Variants in TNFSF4 observed in about 807,000 individuals in gnomAD.
TNFSF4 encodes TNF superfamily member 4.
Under a neutral mutation model 7.3 loss-of-function variants are expected in TNFSF4, and 4 were observed. The ratio of observed to expected loss-of-function variants is 0.55; its 90% CI spans 0.27 to 1.25. TNFSF4 has a LOEUF of 1.25. TNFSF4 is among the 50% of genes most tolerant of loss of function. The pLI is 0.12. For missense variants in TNFSF4, 181 were observed against 208.8 expected (o/e 0.87, Z 0.82); for synonymous variants, 76 against 83.7 (o/e 0.91, Z 0.50).
chr1:173,361,071 T>C, the TNFSF4 span, among the ~76,000 whole-genome samples: 3 of 152,340 alleles, frequency 2.0e-5, no homozygotes, highest in South Asian at 6.2e-4. Context: ...GCTTACTGAA[T>C]GTGGTTACAA....
At chr1:173,316,630 C>A in the TNFSF4 span, among the ~76,000 whole-genome samples, 3 of 151,922 alleles carry the variant, frequency 2.0e-5, no homozygotes, top group Admixed American at 6.6e-5. Context: ...GGTGAAAGGC[C>A]ATTTTCCCCC....
chr1:173,176,415 G>A, the TNFSF4 span, among the ~76,000 whole-genome samples: 2 of 152,112 alleles, frequency 1.3e-5, no homozygotes, highest in South Asian at 4.1e-4. Flanking sequence ...CAAAACCGCA[G>A]TGAGAGATCA....
chr1:173,237,054 G>T, the TNFSF4 span, among the ~76,000 whole-genome samples: 1 of 152,166 alleles, frequency 6.6e-6, no homozygotes, highest in East Asian at 1.9e-4. Context: ...TAAGTCTCAT[G>T]AGAGTTGATG....
chr1:173,410,838 T>C, the TNFSF4 span, among the ~76,000 whole-genome samples: 1 of 152,196 alleles, frequency 6.6e-6, no homozygotes, highest in Admixed American at 6.5e-5. Flanking sequence ...AAGCTCTGTG[T>C]ACAGCTTTAA....
chr1:173,264,369 A>C, the TNFSF4 span, among the ~76,000 whole-genome samples: 1 of 132,358 alleles, frequency 7.6e-6, no homozygotes, highest in East Asian at 2.2e-4. Flanking sequence ...TATGTTGCTC[A>C]GGCTGGACTC....
chr1:173,180,670 G>A (rs562966177), downstream of TNFSF4, among the ~76,000 whole-genome samples: 203 of 152,266 alleles, frequency 1.3e-3, no homozygotes, highest in Non-Finnish European at 2.2e-3. Flanking sequence ...GTGTGTTTGC[G>A]TCAGTGTTCA....
chr1:173,351,102 A>C, the TNFSF4 span, among the ~76,000 whole-genome samples: 1 of 152,216 alleles, frequency 6.6e-6, no homozygotes, highest in African/African-American at 2.4e-5. Context: ...TGATCATCAA[A>C]GCCTTATATT....
the TNFSF4 span, among the ~76,000 whole-genome samples, chr1:173,379,076 G>A: frequency 6.6e-6 from 1 of 152,126 alleles, no homozygotes; most frequent in East Asian, 1.9e-4. Flanking sequence ...CTCACTTGGA[G>A]AGATGTCATG....
chr1:173,322,550 G>A, the TNFSF4 span, among the ~76,000 whole-genome samples: 3 of 152,048 alleles, frequency 2.0e-5, no homozygotes, highest in South Asian at 6.2e-4. Context: ...CAGGACACTG[G>A]GTGCAGCACA....
chr1:173,242,244 A>C, the TNFSF4 span, among the ~76,000 whole-genome samples: 46 of 152,280 alleles, frequency 3.0e-4, no homozygotes, highest in East Asian at 8.1e-3. Flanking sequence ...TTTTAAAATG[A>C]TCATCTGGTT....
chr1:173,257,060 A>G, the TNFSF4 span, among the ~76,000 whole-genome samples: 1 of 152,254 alleles, frequency 6.6e-6, no homozygotes, highest in African/African-American at 2.4e-5. Flanking sequence ...GTGGCTTATG[A>G]GATTAGATGA....
the TNFSF4 span, among the ~76,000 whole-genome samples, chr1:173,384,524 TG>T: frequency 6.6e-6 from 1 of 152,122 alleles, no homozygotes; most frequent in African/African-American, 2.4e-5. Flanking sequence ...GAACCATCCT[TG>T]CCCTCCCCCA....
chr1:173,232,898 A>T, the TNFSF4 span, among the ~76,000 whole-genome samples: 2,257 of 152,036 alleles, frequency 0.015, 44 homozygotes, highest in African/African-American at 0.052. Flanking sequence ...TTTTTGCATC[A>T]ATGTTCATCA....
chr1:173,376,478 G>T, the TNFSF4 span, among the ~76,000 whole-genome samples: 2 of 152,302 alleles, frequency 1.3e-5, no homozygotes, highest in South Asian at 4.1e-4. Context: ...TTAGTGAGAG[G>T]TGAAGCCAGC....
the TNFSF4 span, among the ~76,000 whole-genome samples, chr1:173,287,383 C>T: frequency 1.3e-5 from 2 of 152,110 alleles, no homozygotes; most frequent in African/African-American, 4.8e-5. Context: ...TACCACTACA[C>T]ACCCACCAGA....
chr1:173,398,031 C>A, the TNFSF4 span, among the ~76,000 whole-genome samples: 1 of 152,192 alleles, frequency 6.6e-6, no homozygotes, highest in Non-Finnish European at 1.5e-5. Context: ...ACCTGGTTTG[C>A]AGATATTGAT....
the TNFSF4 span, chr1:173,362,588 C>T: frequency 2.1e-4 from 106 of 516,824 alleles, 1 homozygote; most frequent in African/African-American, 2.0e-3. Flanking sequence ...TTCAGTTCAA[C>T]AGTTGCCAAC....
chr1:173,336,178 A>G, the TNFSF4 span, among the ~76,000 whole-genome samples: 2 of 152,158 alleles, frequency 1.3e-5, no homozygotes, highest in African/African-American at 4.8e-5. Flanking sequence ...AAGCCACTGA[A>G]ACTACCTAGG....
At chr1:173,215,803 A>T in the TNFSF4 span, among the ~76,000 whole-genome samples, 3 of 152,106 alleles carry the variant, frequency 2.0e-5, no homozygotes, top group Non-Finnish European at 4.4e-5. Flanking sequence ...CCTCAATGGG[A>T]TTTACCTCTT....
Sources: gnomAD v4.1 joint callset for allele counts (sites outside exome capture counted in the v4.1 genomes callset) on GRCh38, gnomAD v4.1.1 for gene constraint, MANE v1.5 for transcripts, NCBI Gene and HGNC (gene_info 2026-07-23, HGNC 2026-07-21) for gene names.